FCRL1: variants seen among roughly 807,000 people sequenced by gnomAD.
FCRL1 encodes Fc receptor like 1, also known as Fc receptor-like protein 1.
In FCRL1, 34 loss-of-function variants were observed where a neutral mutation model predicts 49.2. That is an observed-to-expected ratio of 0.69 (90% CI 0.53 to 0.92). The LOEUF (loss-of-function observed/expected upper bound fraction) is 0.92, where lower values mean the gene tolerates loss of function less well. Among genes scored for constraint, FCRL1 ranks in the 40% least tolerant of loss-of-function variants. The pLI is 0.00. For synonymous variants in FCRL1, 218 were observed against 201.6 expected, an observed-to-expected ratio of 1.08 and a Z score of -0.69; for missense variants, 524 against 524.1, an observed-to-expected ratio of 1.00 and a Z score of 0.00.
intron 1 of FCRL1, among the ~76,000 whole-genome samples, chr1:157,819,410 T>A (rs1655486546): frequency 6.6e-6 from 1 of 152,164 alleles, no homozygotes; most frequent in East Asian, 1.9e-4. Flanking sequence ...GAGGGAGTGT[T>A]GTGGTGGTGA....
At chr1:157,808,405 A>G (rs1653801631) in intron 1 of FCRL1, among the ~76,000 whole-genome samples, 1 of 152,230 alleles carries the variant, frequency 6.6e-6, no homozygotes, top group African/African-American at 2.4e-5. Context: ...ATCAGGAAAC[A>G]AGCCTTCTGA....
At position 157,797,945 on chromosome 1, in the gene FCRL1, A is replaced by G; in HGVS notation, c.1115-6T>C. Reference sequence around the variant, plus strand: ...ATCCCCACTTACAACATTCACTGCAAGAGAAGGAGGGAGACTTCATGACAC... The same window carrying G: ...ATCCCCACTTACAACATTCACTGCAGGAGAAGGAGGGAGACTTCATGACAC... On this transcript the variant is annotated splice_polypyrimidine_tract_variant and splice_region_variant and intron_variant, in intron 8 of 10. Coordinates refer to ENST00000368176, the MANE Select transcript of FCRL1 (RefSeq NM_052938.5). The G allele has an allele frequency of 1.2e-6, 2 of 1,614,094 alleles. No homozygotes were observed. Among genetic ancestry groups the G allele is most frequent in the East Asian group, 2.2e-5 (1 of 44,874 alleles).
chr1:157,798,776 A>C (rs907691646), intron 7 of FCRL1, among the ~76,000 whole-genome samples: 1 of 152,218 alleles, frequency 6.6e-6, no homozygotes, highest in African/African-American at 2.4e-5. Context: ...CTTCCTCTAA[A>C]CATCTAAAGA....
At position 157,812,132 on chromosome 1, in the gene FCRL1, G is replaced by A. The variant is rs1172004998; in HGVS notation, c.32-5010C>T. ...AAACCAGCCTGGCACCTCACCCCTG[G>A]GGAAACACAGCACCTGCCAATCTGT... On this transcript the variant is annotated intron_variant, in intron 1 of 10. Transcript: ENST00000368176. Among the ~76,000 whole-genome samples the A allele has an allele frequency of 3.9e-5, 6 of 152,258 alleles. No homozygotes were observed. In the East Asian group the frequency reaches 1.2e-3, roughly 29 times the overall value.
chr1:157,809,996 TATG>T (rs1654070081), intron 1 of FCRL1, among the ~76,000 whole-genome samples: 1 of 152,156 alleles, frequency 6.6e-6, no homozygotes, highest in African/African-American at 2.4e-5. Flanking sequence ...GCCAGCAGAA[TATG>T]ATATTCCAGA....
At position 157,802,747 on chromosome 1, in the gene FCRL1, C is replaced by A. The variant is rs144123379; in HGVS notation, c.320-83G>T. On this transcript the variant is annotated intron_variant, in intron 3 of 10. Coordinates refer to ENST00000368176, the MANE Select transcript of FCRL1 (RefSeq NM_052938.5). ...TAAGTAGATATGACGGTCCTGAAAG[C>A]AAAGAGCATGAGTGAAGTCAATGAT... 1,895 of 1,404,652 alleles carry A rather than the reference C, an allele frequency of 1.3e-3. 29 individuals are homozygous for A. In the African/African-American group the frequency reaches 0.024, roughly 18 times the overall value. The allele number at this position is 1,404,652 out of a possible 1,614,324, so 87.0% of individuals were successfully genotyped here. A position where few individuals can be genotyped will look rare whatever the true frequency, so the allele number is the denominator to read the frequency against.
rs767648448 is a variant in FCRL1 at position 157,802,010 on chromosome 1, A to C, written c.791T>G (p.Leu264Arg). The C allele has an allele frequency of 3.7e-5, 60 of 1,614,098 alleles. No individual in the cohort carries two copies. Among genetic ancestry groups the C allele is most frequent in the Non-Finnish European group, 4.7e-5 (55 of 1,180,040 alleles). The change falls in exon 5 of 11, where the codon CTT becomes CGT. Residue 264 changes from leucine (L) to arginine (R), a missense_variant. By Grantham distance (102) the Leu-to-Arg change is moderately radical. Transcript: ENST00000368176. ...APSGGGASFN[L>R]SLTEEHSGNY... ...TCCAGAATGTTCTTCAGTCAGGGAA[A>C]GGTTGAAGGAGGCTCCTCCTCCAGA...
At chr1:157,804,252 C>CA (rs907542214) in intron 2 of FCRL1, 141 bp from the exon 3 acceptor site, 9 of 940,662 alleles carry the variant, frequency 9.6e-6, no homozygotes, top group South Asian at 1.7e-5. Flanking sequence ...CTCCACCCCC[C>CA]CCCCAGTGGC....
Position 157,801,520 on chromosome 1 carries a change from C to T in FCRL1, c.944G>A (p.Ser315Asn). ...LTSGVIEGLL[S>N]TLGPATVALL... ...GGCCACGGTGGCTGGACCAAGGGTGCTGAGCAGCCCCTCAATGACTCCTGA... is the reference window on the plus strand; with the variant it reads ...GGCCACGGTGGCTGGACCAAGGGTGTTGAGCAGCCCCTCAATGACTCCTGA... Residue 315 changes from serine to asparagine, a missense_variant, in exon 6 of 11, where the codon AGC becomes AAC. Coordinates refer to ENST00000368176, the MANE Select transcript of FCRL1 (RefSeq NM_052938.5). 6.2e-7 allele frequency: 1 copy of T among 1,614,086 alleles called. No individual in the cohort carries two copies. The highest frequency in any genetic ancestry group is 8.5e-7 in the Non-Finnish European group (1 of 1,179,984).
In FCRL1 at chr1:157,802,603, T is replaced by C; in HGVS notation, c.381A>G (p.Gly127=). The C allele has an allele frequency of 6.2e-7, 1 of 1,614,130 alleles. No homozygotes were observed. The highest frequency in any genetic ancestry group is 8.5e-7 in the Non-Finnish European group (1 of 1,180,022). ...CTGAGCAGATGAGGACCAGCCTGTC[T>C]CCCTCCATCACCTGTCCTCCTGGGG... ...TQPPGGQVME[G]DRLVLICSVA... The change falls in exon 4 of 11, where the codon GGA becomes GGG. Residue 127 remains glycine (G), a synonymous_variant. Transcript: ENST00000368176.
rs765141378 is a variant in FCRL1 at position 157,820,103 on chromosome 1, G to T, written c.-66C>A. On this transcript the variant is annotated 5_prime_UTR_variant, in exon 1 of 11. It introduces an in-frame stop codon into an upstream open reading frame of the 5' UTR. Transcript: ENST00000368176. ...CAAAAAAAGAATGCACCTCAGAGTC[G>T]AGCAGCAGCAGCTCATCAGAGGTTT... is the stretch of plus-strand genomic sequence containing the variant. 1.7e-4 allele frequency: 270 copies of T among 1,574,958 alleles called. No individual in the cohort carries two copies. Among genetic ancestry groups the T allele is most frequent in the Non-Finnish European group, 2.1e-4 (245 of 1,145,298 alleles).
intron 1 of FCRL1, among the ~76,000 whole-genome samples, chr1:157,817,650 G>A (rs973556301): frequency 6.6e-6 from 1 of 151,916 alleles, no homozygotes; most frequent in Admixed American, 6.6e-5. Flanking sequence ...AAAAGCAAAA[G>A]CAATAAAAGC....
In FCRL1 at chr1:157,797,893, G is replaced by A; in HGVS notation, c.1161C>T (p.Asn387=). Residue 387 remains asparagine (N), a synonymous_variant, in exon 9 of 11, where the codon AAC becomes AAT. Transcript: ENST00000368176. ...CTGCTACTGATTCCTGCTCCGGCTG[G>A]TTATAGTACGCCAGTGAATAAACCT... ...GDEVYSLAYY[N]QPEQESVAAE... The A allele has an allele frequency of 1.2e-6, 2 of 1,614,160 alleles. No homozygotes were observed. The highest frequency in any genetic ancestry group is 1.7e-6 in the Non-Finnish European group (2 of 1,180,026).
intron 5 of FCRL1, 58 bp from the exon 6 acceptor site, chr1:157,801,635 C>T: frequency 8.0e-7 from 1 of 1,253,064 alleles, no homozygotes; most frequent in Non-Finnish European, 1.2e-6. Context: ...GCTTAGAGAG[C>T]AGACATCTTG....
chr1:157,820,051 G>A lies in FCRL1; in HGVS notation c.-14C>T, dbSNP rs376216376. 3.7e-6 allele frequency: 6 copies of A among 1,614,152 alleles called. No homozygotes were observed. The highest frequency in any genetic ancestry group is 1.7e-5 in the Admixed American group (1 of 60,024). On this transcript the variant is annotated 5_prime_UTR_variant, in exon 1 of 11. Coordinates refer to ENST00000368176, the MANE Select transcript of FCRL1 (RefSeq NM_052938.5). ...CCTCGGCAGCATGAGGACCAGGTCAGGGATGGTACCTAGAGATGCCTCTCA... is the reference window on the plus strand; with the variant it reads ...CCTCGGCAGCATGAGGACCAGGTCAAGGATGGTACCTAGAGATGCCTCTCA...
At position 157,794,501 on chromosome 1, in the gene FCRL1, A is replaced by G. The variant is rs1261456762; in HGVS notation, c.*1598T>C. On this transcript the variant is annotated 3_prime_UTR_variant, in exon 11 of 11. Transcript: ENST00000368176. ...TTTCCCAGACGTTGTTGGTGAAGAT[A>G]TAAATTGATACAGCCTTACCTGAGA... 5 of 152,236 alleles carry G rather than the reference A, an allele frequency of 3.3e-5. No individual in the cohort carries two copies. Among genetic ancestry groups the G allele is most frequent in the African/African-American group, 1.2e-4 (5 of 41,468 alleles). 9.4% of individuals were successfully genotyped at this position (152,236 alleles called of 1,614,324 possible). A position where few individuals can be genotyped will look rare whatever the true frequency, so the allele number is the denominator to read the frequency against.
At chr1:157,803,519 C>T (rs1430892294) in intron 3 of FCRL1, among the ~76,000 whole-genome samples, 1 of 152,156 alleles carries the variant, frequency 6.6e-6, no homozygotes, top group Non-Finnish European at 1.5e-5. Flanking sequence ...AATGCAGCAC[C>T]ACATATTTAA....
At chr1:157,800,224 C>T in intron 6 of FCRL1, 139 bp from the exon 7 acceptor site, 2 of 601,598 alleles carry the variant, frequency 3.3e-6, no homozygotes, top group Non-Finnish European at 5.6e-6. Flanking sequence ...GCCCAGCAGA[C>T]ATCCTGGCAA....
chr1:157,799,813 T>A (rs1652138258), intron 7 of FCRL1, among the ~76,000 whole-genome samples: 1 of 151,730 alleles, frequency 6.6e-6, no homozygotes, highest in East Asian at 1.9e-4. Context: ...TAAAAAAAAA[T>A]TCTGCAGTGG....
Sources: gnomAD v4.1 joint callset for allele counts (sites outside exome capture counted in the v4.1 genomes callset) on GRCh38, gnomAD v4.1.1 for gene constraint, MANE v1.5 for transcripts, NCBI Gene and HGNC (gene_info 2026-07-23, HGNC 2026-07-21) for gene names.